CHD5: variants seen among roughly 807,000 people sequenced by gnomAD.
CHD5 encodes ATP-dependent chromatin remodeler CHD5.
CHD5 carries 69 observed loss-of-function variants against 230.3 expected under a neutral mutation model. The ratio of observed to expected loss-of-function variants is 0.30; its 90% CI spans 0.25 to 0.37. The LOEUF (loss-of-function observed/expected upper bound fraction) is 0.37. Among genes scored for constraint, CHD5 ranks in the 10% least tolerant of loss-of-function variants. The pLI is 1.00. For missense variants in CHD5, 1,827 were observed against 2,622.8 expected, an observed-to-expected ratio of 0.70 and a Z score of 6.63; for synonymous variants, 1,064 against 1,065.9, an observed-to-expected ratio of 1.00 and a Z score of 0.03.
At position 6,121,337 on chromosome 1, in the gene CHD5, C is replaced by A; in HGVS notation, c.4780-100G>T. The A allele has an allele frequency of 1.3e-6, 2 of 1,531,606 alleles. No homozygotes were observed. 94.9% of individuals were successfully genotyped at this position (1,531,606 alleles called of 1,614,324 possible). Reference sequence around the variant, plus strand: ...GCTGGGAACCCAGTCTCCTGGCTCCCGTCGCTTGCTCCTAGCCTGCTCCCC... The same window carrying A: ...GCTGGGAACCCAGTCTCCTGGCTCCAGTCGCTTGCTCCTAGCCTGCTCCCC... On this transcript the variant is annotated intron_variant, in intron 32 of 41. Transcript: ENST00000262450. The surrounding 1 kb of genome is among the most constrained non-coding windows in gnomAD (Gnocchi z 4.5).
At chr1:6,143,799 T>G in intron 13 of CHD5, 24 bp downstream of exon 13, 19 of 745,712 alleles carry the variant, frequency 2.5e-5, no homozygotes, top group African/African-American at 3.6e-5. Context: ...CCCCACCCAC[T>G]GCTGCCCCAC....
At chr1:6,108,448 T>G (rs1666232058) in intron 38 of CHD5, among the ~76,000 whole-genome samples, 3 of 101,608 alleles carry the variant, frequency 3.0e-5, no homozygotes, top group Non-Finnish European at 5.9e-5. Flanking sequence ...GATGGAGAGA[T>G]GGGGGATGGG....
At chr1:6,110,583 G>T in intron 36 of CHD5, 57 bp from the exon 37 acceptor site, 1 of 1,584,058 alleles carries the variant, frequency 6.3e-7, no homozygotes, top group Non-Finnish European at 8.6e-7. Context: ...GGGCCGTAGG[G>T]GGAGGCAGCT....
chr1:6,167,197 G>A lies in CHD5; in HGVS notation c.207+953C>T, dbSNP rs543786031. Reference sequence around the variant, plus strand: ...TGGAGAGCTGGCCTCAGGTCCCCCCGGGGCAGGTGGGAGGGGAGAAACACT... The same window carrying A: ...TGGAGAGCTGGCCTCAGGTCCCCCCAGGGCAGGTGGGAGGGGAGAAACACT... On this transcript the variant is annotated intron_variant, in intron 2 of 41. Coordinates refer to ENST00000262450, the MANE Select transcript of CHD5 (RefSeq NM_015557.3). This position sits in a 1 kb window ranked among gnomAD's most constrained non-coding sequence, Gnocchi z 4.5. Among the ~76,000 whole-genome samples, 456 of 152,314 alleles carry A rather than the reference G, an allele frequency of 3.0e-3. 5 individuals carry two copies. Among genetic ancestry groups the A allele is most frequent in the African/African-American group, 0.01 (428 of 41,566 alleles).
intron 20 of CHD5, among the ~76,000 whole-genome samples, chr1:6,132,046 C>G (rs1050448722): frequency 6.6e-6 from 1 of 152,202 alleles, no homozygotes; most frequent in African/African-American, 2.4e-5. Context: ...GCCCTGTATT[C>G]AAGGCGCTGC....
rs146914611 is a variant in CHD5 at position 6,167,033 on chromosome 1, C to T, written c.207+1117G>A. ...CTCACTCTGCAGGGAGGCCTAGATC[C>T]GGGCCCAGCGCTGCCAAGGGCACCC... On this transcript the variant is annotated intron_variant, in intron 2 of 41. Coordinates refer to ENST00000262450, the MANE Select transcript of CHD5 (RefSeq NM_015557.3). This position sits in a 1 kb window ranked among gnomAD's most constrained non-coding sequence, Gnocchi z 4.5. Among the ~76,000 whole-genome samples, 18 of 152,294 alleles carry T rather than the reference C, an allele frequency of 1.2e-4. No homozygotes were observed. The highest frequency in any genetic ancestry group is 3.9e-4 in the Admixed American group (6 of 15,306).
In CHD5 at chr1:6,154,810, T is replaced by G. The variant is rs1171603389; in HGVS notation, c.595A>C (p.Asn199His). Reference sequence around the variant, plus strand: ...GCCGCGGAGCTGCCCTTGAAGGGGTTGTTGGCGCTGAACTCCCGCCACTTG... The same window carrying G: ...GCCGCGGAGCTGCCCTTGAAGGGGTGGTTGGCGCTGAACTCCCGCCACTTG... ...GAKWREFSAN[N>H]PFKGSSAAAA... is the part of the protein sequence containing the mutation. Residue 199 changes from asparagine (N) to histidine (H), a missense_variant, in exon 5 of 42, where the codon AAC (asparagine) becomes CAC (histidine). Asn to His is a moderately conservative substitution (Grantham distance 68, BLOSUM62 1). Transcript: ENST00000262450. This position sits in a 1 kb window ranked among gnomAD's most constrained non-coding sequence, Gnocchi z 7.0. The G allele has an allele frequency of 6.2e-7, 1 of 1,613,876 alleles. No homozygotes were observed.
At chr1:6,174,142 G>C (rs186783423) in intron 1 of CHD5, among the ~76,000 whole-genome samples, 94 of 152,064 alleles carry the variant, frequency 6.2e-4, no homozygotes, top group Admixed American at 1.1e-3. Context: ...GGGGGACAGG[G>C]AGGGACAAAA....
chr1:6,156,923 GGCTCT>G (rs2100870640), intron 3 of CHD5, among the ~76,000 whole-genome samples: 1 of 152,360 alleles, frequency 6.6e-6, no homozygotes, highest in East Asian at 1.9e-4. Flanking sequence ...TTCTGATCCT[GGCTCT>G]GCCACATACC....
intron 33 of CHD5, among the ~76,000 whole-genome samples, chr1:6,118,196 C>T (rs1398972096): frequency 6.6e-6 from 1 of 151,866 alleles, no homozygotes; most frequent in Admixed American, 6.6e-5. Flanking sequence ...GGCAACATGG[C>T]AAAACCCCGT....
At position 6,131,997 on chromosome 1, in the gene CHD5, C is replaced by T. The variant is rs1427295630; in HGVS notation, c.3145-249G>A. 2.0e-5 allele frequency among the ~76,000 whole-genome samples: 3 copies of T among 152,220 alleles called. No individual in the cohort carries two copies. Among genetic ancestry groups the T allele is most frequent in the African/African-American group, 4.8e-5 (2 of 41,462 alleles). On this transcript the variant is annotated intron_variant, in intron 20 of 41. Transcript: ENST00000262450. The surrounding 1 kb of genome is among the most constrained non-coding windows in gnomAD (Gnocchi z 5.0). Reference sequence around the variant, plus strand: ...TAAATCAGGGCTCTGACATGAGCCTCCCCTGCTCCCACCACACAGAATTAA... The same window carrying T: ...TAAATCAGGGCTCTGACATGAGCCTTCCCTGCTCCCACCACACAGAATTAA...
rs1296158684 is a variant in CHD5, at chr1:6,154,177, G to T, written c.745+483C>A. Among the ~76,000 whole-genome samples the T allele has an allele frequency of 6.6e-6, 1 of 152,148 alleles. No homozygotes were observed. Among genetic ancestry groups the T allele is most frequent in the African/African-American group, 2.4e-5 (1 of 41,434 alleles). On this transcript the variant is annotated intron_variant, in intron 5 of 41. Transcript: ENST00000262450. This position sits in a 1 kb window ranked among gnomAD's most constrained non-coding sequence, Gnocchi z 7.0. ...GGCAGGGCCTCCATGCTCCACATTG[G>T]CCGAGGGCCTGGAGAACAACCCTGC...
At chr1:6,108,776 T>G (rs1408670369) in intron 38 of CHD5, among the ~76,000 whole-genome samples, 3 of 113,396 alleles carry the variant, frequency 2.6e-5, no homozygotes, top group Admixed American at 8.8e-5. Flanking sequence ...ATGGAAGAAT[T>G]ATGGAGGGAT....
At chr1:6,179,037 G>A (rs1296581514) in intron 1 of CHD5, among the ~76,000 whole-genome samples, 1 of 152,270 alleles carries the variant, frequency 6.6e-6, no homozygotes, top group Non-Finnish European at 1.5e-5. Context: ...GCCCTACCCA[G>A]CTGTGCCAGG....
chr1:6,118,761 C>G (rs1041871370), intron 33 of CHD5, among the ~76,000 whole-genome samples: 4 of 150,786 alleles, frequency 2.7e-5, no homozygotes, highest in Admixed American at 2.6e-4. Flanking sequence ...GCAGTGGTGC[C>G]ATCTCGGCTC....
chr1:6,123,431 CTT>C (rs112184388), intron 31 of CHD5, among the ~76,000 whole-genome samples: 1 of 146,720 alleles, frequency 6.8e-6, no homozygotes. Flanking sequence ...CTGAATAGTA[CTT>C]TTTTTTTTTT....
Position 6,129,073 on chromosome 1 carries a change from G to C in CHD5, c.3388-4C>G. 6.3e-7 allele frequency: 1 copy of C among 1,594,930 alleles called. No homozygotes were observed. Among genetic ancestry groups the C allele is most frequent in the South Asian group, 1.1e-5 (1 of 90,762 alleles). On this transcript the variant is annotated splice_polypyrimidine_tract_variant and splice_region_variant and intron_variant, in intron 22 of 41. Transcript: ENST00000262450. This position sits in a 1 kb window ranked among gnomAD's most constrained non-coding sequence, Gnocchi z 6.8. ...TGCGGTGGGCGCGGCTGAAGGCCTG[G>C]GGAGACCTGCACCTCAGCACCCGTG...
rs1666514846 is a variant in CHD5 at position 6,124,090 on chromosome 1, A to G, written c.4557T>C (p.His1519=). ...CTGGGGTGCTGTACTTCCCGTTGAC[A>G]TGCTCAAACTCCTGAACCTGGGGTG... ...LVRKKVQEFE[H]VNGKYSTPDL... The change falls in exon 31 of 42, where the codon CAT becomes CAC. Residue 1519 remains histidine, a synonymous_variant. Transcript: ENST00000262450. The G allele has an allele frequency of 1.2e-6, 2 of 1,611,686 alleles. No individual in the cohort carries two copies. Among genetic ancestry groups the G allele is most frequent in the South Asian group, 1.1e-5 (1 of 90,642 alleles).
At position 6,155,619 on chromosome 1, in the gene CHD5, C is replaced by A; in HGVS notation, c.486G>T (p.Lys162Asn). The A allele has an allele frequency of 6.2e-7, 1 of 1,614,098 alleles. No individual in the cohort carries two copies. The highest frequency in any genetic ancestry group is 8.5e-7 in the Non-Finnish European group (1 of 1,179,990). ...CCCACCTGAGGAACTGGCTGAAGGC[C>A]TTGTAGTTGGTCAGCGTGTGGTAAT... The part of the protein sequence containing the change: ...EEDYHTLTNY[K>N]AFSQFLRPLI... The change falls in exon 4 of 42, where the codon AAG becomes AAT. Residue 162 changes from lysine (K) to asparagine (N), a missense_variant. Lys to Asn is a moderately conservative substitution (Grantham distance 94). Coordinates refer to ENST00000262450, the MANE Select transcript of CHD5 (RefSeq NM_015557.3). This position sits in a 1 kb window ranked among gnomAD's most constrained non-coding sequence, Gnocchi z 4.0.
Sources: allele counts gnomAD v4.1 joint callset (sites outside exome capture counted in the v4.1 genomes callset), GRCh38; gene constraint gnomAD v4.1.1; non-coding constraint Gnocchi (gnomAD v3.1); transcripts MANE v1.5; gene names NCBI Gene and HGNC (gene_info 2026-07-23, HGNC 2026-07-21).